Variants in CFAP206 observed in about 807,000 individuals in gnomAD.
CFAP206 encodes the protein cilia- and flagella-associated protein 206.
A neutral mutation model predicts 65.4 loss-of-function variants in CFAP206; 53 were observed. That is an observed-to-expected ratio of 0.81 (90% confidence interval 0.65 to 1.02). The LOEUF (loss-of-function observed/expected upper bound fraction) is 1.02, where lower values mean the gene tolerates loss of function less well. Among genes scored for constraint, CFAP206 ranks in the 50% least tolerant of loss-of-function variants. CFAP206 has a pLI of 0.00. For synonymous variants in CFAP206, 250 were observed against 254.4 expected (o/e 0.98, Z 0.17); for missense variants, 663 against 753.2 (o/e 0.88, Z 1.40).
intron 11 of CFAP206, among the ~76,000 whole-genome samples, chr6:87,449,443 A>C (rs1400386159): frequency 1.3e-5 from 2 of 150,852 alleles, no homozygotes; most frequent in African/African-American, 2.4e-5. Context: ...TCTCAAAAAA[A>C]AAAAAAAAAA....
chr6:87,411,253 G>C (rs1449818652), intron 3 of CFAP206, among the ~76,000 whole-genome samples: 1 of 152,170 alleles, frequency 6.6e-6, no homozygotes, highest in Non-Finnish European at 1.5e-5. Flanking sequence ...AAGTTAAATA[G>C]AACTAAATTA....
intron 11 of CFAP206, among the ~76,000 whole-genome samples, chr6:87,446,103 A>G (rs1451406832): frequency 6.6e-6 from 1 of 152,088 alleles, no homozygotes; most frequent in Non-Finnish European, 1.5e-5. Context: ...TAGATATCAG[A>G]CCTTTATCAG....
At chr6:87,446,389 A>T (rs1423898571) in intron 11 of CFAP206, among the ~76,000 whole-genome samples, 1 of 152,184 alleles carries the variant, frequency 6.6e-6, no homozygotes, top group Non-Finnish European at 1.5e-5. Context: ...ATTTTTGTAT[A>T]AGGTGTAAGG....
intron 3 of CFAP206, among the ~76,000 whole-genome samples, chr6:87,413,286 T>C (rs6906433): frequency 0.35 from 53,881 of 152,104 alleles, 10,712 homozygotes; most frequent in African/African-American, 0.54. Context: ...CAATGGAGTT[T>C]TATTGAGCCA....
chr6:87,435,269 A>G (rs1768239130), intron 11 of CFAP206: 2 of 380,134 alleles, frequency 5.3e-6, no homozygotes, highest in South Asian at 7.9e-5. Context: ...TGAATTAGGA[A>G]ATGGGGAAAA....
chr6:87,411,346 T>C (rs188752754), intron 3 of CFAP206, among the ~76,000 whole-genome samples: 310 of 152,384 alleles, frequency 2.0e-3, no homozygotes, highest in African/African-American at 7.0e-3. Context: ...TTGAAAAATA[T>C]CTATTCATGG....
chr6:87,410,678 C>G lies in CFAP206; in HGVS notation c.192+10C>G. ...GCAGAATCTTGTTAAGGTGATTACCCAACAGTCCTCAAATTTGCAATTACT... is the reference window on the plus strand; with the variant it reads ...GCAGAATCTTGTTAAGGTGATTACCGAACAGTCCTCAAATTTGCAATTACT... On this transcript the variant is annotated intron_variant, in intron 3 of 12. Coordinates refer to ENST00000369562, the MANE Select transcript of CFAP206 (RefSeq NM_001031743.3). The G allele has an allele frequency of 2.5e-6, 4 of 1,602,960 alleles. No individual in the cohort carries two copies. Among genetic ancestry groups the G allele is most frequent in the Non-Finnish European group, 2.6e-6 (3 of 1,170,862 alleles).
At position 87,408,524 on chromosome 6, in the gene CFAP206, T is replaced by C. The variant is rs1290327677; in HGVS notation, c.-6+435T>C. 1.1e-4 allele frequency: 8 copies of C among 70,398 alleles called. 2 individuals carry two copies. The highest frequency in any genetic ancestry group is 2.0e-4 in the African/African-American group (3 of 14,738). The allele number at this position is 70,398 out of a possible 1,614,324, so 4.4% of individuals were successfully genotyped here. On this transcript the variant is annotated intron_variant, in intron 1 of 12. Transcript: ENST00000369562. ...CACAGATCCGGAGCGCGCACACAGA[T>C]CCGGAGCGCGCACACAGATCCGGAG...
intron 11 of CFAP206, among the ~76,000 whole-genome samples, chr6:87,436,970 ATTGT>A (rs1243229208): frequency 2.0e-5 from 3 of 152,032 alleles, no homozygotes; most frequent in South Asian, 2.1e-4. Flanking sequence ...GGTACTTATT[ATTGT>A]TTGTTTTTTT....
chr6:87,427,204 C>A (rs1316320022), intron 8 of CFAP206, among the ~76,000 whole-genome samples: 2 of 152,178 alleles, frequency 1.3e-5, no homozygotes, highest in African/African-American at 4.8e-5. Context: ...GTGGTGCAAT[C>A]TCGGCTCACT....
In CFAP206 at chr6:87,441,897, G is replaced by A. The variant is rs150059936; in HGVS notation, c.1494+6844G>A. 231 of 310,150 alleles carry A rather than the reference G, an allele frequency of 7.4e-4. 2 individuals are homozygous for A. The highest frequency in any genetic ancestry group is 4.7e-3 in the African/African-American group (209 of 44,844). The allele number at this position is 310,150 out of a possible 1,614,324, so 19.2% of individuals were successfully genotyped here. A position where few individuals can be genotyped will look rare whatever the true frequency, so the allele number is the denominator to read the frequency against. ...AGGGGAACCAGTGCTTTCAGCAAAA[G>A]TTGGTCCCATATGTCTTCCAAATAA... On this transcript the variant is annotated intron_variant, in intron 11 of 12. Coordinates refer to ENST00000369562, the MANE Select transcript of CFAP206 (RefSeq NM_001031743.3).
At position 87,416,810 on chromosome 6, in the gene CFAP206, G is replaced by C; in HGVS notation, c.614G>C (p.Gly205Ala). 2 of 1,613,540 alleles carry C rather than the reference G, an allele frequency of 1.2e-6. No homozygotes were observed. The highest frequency in any genetic ancestry group is 1.7e-6 in the Non-Finnish European group (2 of 1,179,690). ...RLFNRDCGKG[G>A]EGIDDLPAVL... ...TTTAACAGAGACTGTGGAAAAGGAG[G>C]AGAAGGCATTGATGATTGTAGGTAT... is the stretch of plus-strand genomic sequence containing the variant. Residue 205 changes from glycine (G) to alanine (A), a missense_variant, in exon 6 of 13, where the codon GGA (glycine) becomes GCA (alanine). By Grantham distance (60) the Gly-to-Ala change is moderately conservative. Coordinates refer to ENST00000369562, the MANE Select transcript of CFAP206 (RefSeq NM_001031743.3).
intron 7 of CFAP206, among the ~76,000 whole-genome samples, chr6:87,423,044 G>A (rs1767973067): frequency 6.6e-6 from 1 of 151,402 alleles, no homozygotes; most frequent in Non-Finnish European, 1.5e-5. Context: ...AGCCTTCTTG[G>A]TAGCTGGGAC....
intron 7 of CFAP206, among the ~76,000 whole-genome samples, chr6:87,422,729 C>G (rs1767963528): frequency 6.7e-6 from 1 of 149,518 alleles, no homozygotes; most frequent in African/African-American, 2.5e-5. Flanking sequence ...CTAGCCTGGG[C>G]CACAGAGTGA....
At chr6:87,446,119 T>C (rs962580356) in intron 11 of CFAP206, among the ~76,000 whole-genome samples, 1 of 152,220 alleles carries the variant, frequency 6.6e-6, no homozygotes, top group South Asian at 2.1e-4. Flanking sequence ...ATCAGATGGA[T>C]AGATTGTAAA....
At chr6:87,411,225 AGTTC>A (rs200343094) in intron 3 of CFAP206, among the ~76,000 whole-genome samples, 2,933 of 152,322 alleles carry the variant, frequency 0.019, 85 homozygotes, top group African/African-American at 0.066. Flanking sequence ...AACATTAACT[AGTTC>A]GTCATATACT....
intron 8 of CFAP206, 58 bp downstream of exon 8, chr6:87,426,703 A>G: frequency 7.7e-7 from 1 of 1,292,912 alleles, no homozygotes; most frequent in Admixed American, 2.6e-5. Flanking sequence ...GCCCTATAAT[A>G]TTGGATCGCA....
chr6:87,426,789 G>A (rs755292374), intron 8 of CFAP206, 144 bp downstream of exon 8: 1 of 681,262 alleles, frequency 1.5e-6, no homozygotes, highest in Non-Finnish European at 2.1e-6. Flanking sequence ...TGGTTACTTT[G>A]CCGTAATAGT....
At chr6:87,454,932 A>G (rs1768612527) in intron 11 of CFAP206, among the ~76,000 whole-genome samples, 1 of 150,008 alleles carries the variant, frequency 6.7e-6, no homozygotes. Flanking sequence ...TTTATTTTTT[A>G]TTATTTTTTT....
Sources: allele counts gnomAD v4.1 joint callset (sites outside exome capture counted in the v4.1 genomes callset), GRCh38; gene constraint gnomAD v4.1.1; transcripts MANE v1.5; gene names NCBI Gene and HGNC (gene_info 2026-07-23, HGNC 2026-07-21).